Variants in PTPN22 observed in about 807,000 individuals in gnomAD.
PTPN22 encodes the protein protein tyrosine phosphatase non-receptor type 22.
Under a neutral mutation model 103.3 loss-of-function variants are expected in PTPN22, and 85 were observed. The observed-to-expected ratio is 0.82, with a 90% CI of 0.69 to 0.99. PTPN22 has a LOEUF of 0.99. Ranked by LOEUF, PTPN22 falls within the 50% of genes least tolerant of loss-of-function variation. The pLI is 0.00. For missense variants in PTPN22, 865 were observed against 936.9 expected (o/e 0.92, Z 1.00); for synonymous variants, 323 against 310.2 (o/e 1.04, Z -0.43).
chr1:113,848,572 C>T (rs1664294955), exon 11 of PTPN22: 5 of 1,613,560 alleles, frequency 3.1e-6, no homozygotes, highest in Non-Finnish European at 4.2e-6. Flanking sequence ...CTGATAACAT[C>T]CATCTGTCTC....
rs183433488 is a variant in PTPN22 at position 113,842,434 on chromosome 1, G to T, written c.916-3814C>A. 5.6e-3 allele frequency among the ~76,000 whole-genome samples: 858 copies of T among 152,260 alleles called. 3 individuals are homozygous for T. Among genetic ancestry groups the T allele is most frequent in the South Asian group, 0.011 (55 of 4,824 alleles). On this transcript the variant is annotated intron_variant, in intron 11 of 20. Coordinates refer to ENST00000359785, the Ensembl canonical transcript of PTPN22. ...CTCACGCCTGTAATCCCAGCACTTT[G>T]GGAGGCCGAGGCCGGCGGATCACGA... is the stretch of plus-strand genomic sequence containing the variant.
chr1:113,865,067 C>A (rs1666008396), intron 1 of PTPN22, among the ~76,000 whole-genome samples: 1 of 152,152 alleles, frequency 6.6e-6, no homozygotes, highest in African/African-American at 2.4e-5. Context: ...TGGAGAGACA[C>A]CATGTAGGAC....
Position 113,856,638 on chromosome 1 carries a change from T to C in PTPN22, c.409-19A>G. On this transcript the variant is annotated intron_variant, in intron 5 of 20. Coordinates refer to ENST00000359785, the Ensembl canonical transcript of PTPN22. ...ACTTTTTCTGTTGCACAAAGCAGAA[T>C]ACAGTGATTTCCCTCCATATATTCT... The C allele has an allele frequency of 6.2e-7, 1 of 1,614,162 alleles. No individual in the cohort carries two copies. Among genetic ancestry groups the C allele is most frequent in the South Asian group, 1.1e-5 (1 of 91,084 alleles).
At chr1:113,829,322 G>A (rs1662352868) in intron 18 of PTPN22, among the ~76,000 whole-genome samples, 1 of 151,902 alleles carries the variant, frequency 6.6e-6, no homozygotes, top group Non-Finnish European at 1.5e-5. Flanking sequence ...TGTGTCACAA[G>A]GGTTTGCTGT....
exon 18 of PTPN22, chr1:113,829,673 A>G (rs376996202): frequency 6.2e-7 from 1 of 1,606,246 alleles, no homozygotes; most frequent in Non-Finnish European, 8.5e-7. Context: ...CAGGATAGCT[A>G]GTAGAATATG....
chr1:113,829,677 G>C (rs769023209), exon 18 of PTPN22: 1 of 1,601,502 alleles, frequency 6.2e-7, no homozygotes, highest in East Asian at 2.2e-5. Flanking sequence ...ATAGCTAGTA[G>C]AATATGTTTC....
At chr1:113,867,071 T>G (rs1411044818) in intron 1 of PTPN22, among the ~76,000 whole-genome samples, 1 of 152,202 alleles carries the variant, frequency 6.6e-6, no homozygotes, top group Non-Finnish European at 1.5e-5. Flanking sequence ...AAGTTTTGAT[T>G]TGTTAGAATG....
intron 7 of PTPN22, among the ~76,000 whole-genome samples, chr1:113,855,304 G>A (rs1364007599): frequency 6.6e-6 from 1 of 152,006 alleles, no homozygotes; most frequent in African/African-American, 2.4e-5. Context: ...AGACCAACCT[G>A]GCCAACATGG....
intron 2 of PTPN22, 101 bp downstream of exon 2, chr1:113,859,251 G>T: frequency 6.5e-7 from 1 of 1,533,012 alleles, no homozygotes; most frequent in Non-Finnish European, 8.9e-7. Flanking sequence ...AGTTGTCAAT[G>T]CCATGTTCCA....
At chr1:113,857,966 C>T (rs1665220714) in intron 4 of PTPN22, 190 bp from the exon 5 acceptor site, 3 of 474,728 alleles carry the variant, frequency 6.3e-6, no homozygotes, top group Non-Finnish European at 1.1e-5. Context: ...GACAATACTT[C>T]CCCTTTCTCT....
intron 19 of PTPN22, among the ~76,000 whole-genome samples, chr1:113,820,472 TAATA>T (rs2101877310): frequency 6.6e-6 from 1 of 151,840 alleles, no homozygotes; most frequent in South Asian, 2.1e-4. Context: ...CAAAAAAACA[TAATA>T]ATTATTATTA....
At chr1:113,868,809 A>G (rs893704253) in intron 1 of PTPN22, among the ~76,000 whole-genome samples, 3 of 152,186 alleles carry the variant, frequency 2.0e-5, no homozygotes, top group African/African-American at 7.2e-5. Context: ...TAGTGGTTGC[A>G]CTGCTAATGG....
chr1:113,837,125 T>C (rs1663085117), intron 13 of PTPN22, among the ~76,000 whole-genome samples: 1 of 151,992 alleles, frequency 6.6e-6, no homozygotes, highest in Non-Finnish European at 1.5e-5. Flanking sequence ...ACTCCTGGAA[T>C]GTATTTATTT....
At position 113,857,880 on chromosome 1, in the gene PTPN22, G is replaced by C; in HGVS notation, c.370-104C>G. On this transcript the variant is annotated intron_variant, in intron 4 of 20. Coordinates refer to ENST00000359785, the Ensembl canonical transcript of PTPN22. ...GAAAGTATTAACCGTTCTTTTTTCTGTTTTGTCGTTTTTTTTTAACCAAAA... is the reference window on the plus strand; with the variant it reads ...GAAAGTATTAACCGTTCTTTTTTCTCTTTTGTCGTTTTTTTTTAACCAAAA... The C allele has an allele frequency of 2.8e-6, 3 of 1,064,242 alleles. No individual in the cohort carries two copies. The South Asian group carries it at 5.0e-5, about 18-fold the overall frequency. The allele number at this position is 1,064,242 out of a possible 1,614,324, so 65.9% of individuals were successfully genotyped here. A position where few individuals can be genotyped will look rare whatever the true frequency, so the allele number is the denominator to read the frequency against.
At position 113,866,263 on chromosome 1, in the gene PTPN22, A is replaced by G. The variant is rs371064975; in HGVS notation, c.87+5274T>C. On this transcript the variant is annotated intron_variant, in intron 1 of 20. Transcript: ENST00000359785. Reference sequence around the variant, plus strand: ...CGCGGTGGCTCACACCTGTAATCCCAGTACTTTGGGAGGCCAAGGCAGGCA... The same window carrying G: ...CGCGGTGGCTCACACCTGTAATCCCGGTACTTTGGGAGGCCAAGGCAGGCA... Among the ~76,000 whole-genome samples the G allele has an allele frequency of 9.4e-4, 143 of 152,296 alleles. 5 individuals are homozygous for G. In the South Asian group the frequency reaches 0.029, roughly 31 times the overall value.
intron 20 of PTPN22, among the ~76,000 whole-genome samples, chr1:113,816,776 G>A (rs562673370): frequency 4.6e-5 from 7 of 152,140 alleles, no homozygotes; most frequent in Non-Finnish European, 1.0e-4. Flanking sequence ...GGGCATGGTG[G>A]CGGGTGCCTG....
chr1:113,816,533 C>T (rs757800102), intron 20 of PTPN22, among the ~76,000 whole-genome samples: 2 of 151,962 alleles, frequency 1.3e-5, no homozygotes, highest in Admixed American at 6.6e-5. Flanking sequence ...ACCTATAATC[C>T]GAGCACTTTT....
At chr1:113,834,112 T>A (rs1396249578) in intron 15 of PTPN22, among the ~76,000 whole-genome samples, 197 bp downstream of exon 15, 1 of 152,228 alleles carries the variant, frequency 6.6e-6, no homozygotes, top group East Asian at 1.9e-4. Context: ...ACATCCTATA[T>A]CTCTACTACT....
At chr1:113,820,709 A>G (rs895660397) in intron 19 of PTPN22, among the ~76,000 whole-genome samples, 1 of 152,194 alleles carries the variant, frequency 6.6e-6, no homozygotes, top group African/African-American at 2.4e-5. Context: ...TCAGGTTTGT[A>G]TAAACTTTCT....
Sources: gnomAD v4.1 joint callset for allele counts (sites outside exome capture counted in the v4.1 genomes callset) on GRCh38, gnomAD v4.1.1 for gene constraint, MANE v1.5 for transcripts, NCBI Gene and HGNC (gene_info 2026-07-23, HGNC 2026-07-21) for gene names.